The following BAALC variants were observed in gnomAD, a reference collection of about 807,000 sequenced individuals.
BAALC encodes BAALC binder of MAP3K1 and KLF4.
Under a neutral mutation model 15.5 loss-of-function variants are expected in BAALC, and 9 were observed. That is an observed-to-expected ratio of 0.58 (90% CI 0.35 to 1.02). BAALC has a LOEUF of 1.02. Ranked by LOEUF, BAALC falls within the 50% of genes least tolerant of loss-of-function variation. BAALC has a pLI of 0.02. For missense variants in BAALC, 201 were observed against 192.4 expected, an observed-to-expected ratio of 1.04 and a Z score of -0.27; for synonymous variants, 80 against 74.6, an observed-to-expected ratio of 1.07 and a Z score of -0.37.
At chr8:103,163,274 A>C (rs1476776795) in intron 1 of BAALC, among the ~76,000 whole-genome samples, 1 of 151,718 alleles carries the variant, frequency 6.6e-6, no homozygotes, top group African/African-American at 2.4e-5. Context: ...GCCCTTGCCC[A>C]GTTCTCTTCT....
chr8:103,203,675 T>C (rs1474789671), intron 1 of BAALC, among the ~76,000 whole-genome samples: 1 of 152,180 alleles, frequency 6.6e-6, no homozygotes, highest in African/African-American at 2.4e-5. Context: ...AATGGAATTA[T>C]ATAATATGTG....
At chr8:103,195,717 G>A (rs1256302837) in intron 1 of BAALC, among the ~76,000 whole-genome samples, 1 of 152,168 alleles carries the variant, frequency 6.6e-6, no homozygotes, top group East Asian at 1.9e-4. Context: ...TCAGATGTTT[G>A]GTACATCAAG....
chr8:103,210,063 G>C (rs1037831169), intron 1 of BAALC, among the ~76,000 whole-genome samples: 1 of 152,178 alleles, frequency 6.6e-6, no homozygotes, highest in African/African-American at 2.4e-5. Context: ...CTAGCCCCAG[G>C]CTGTTTGCAG....
At chr8:103,173,056 A>T (rs1243213646) in intron 1 of BAALC, among the ~76,000 whole-genome samples, 2 of 152,194 alleles carry the variant, frequency 1.3e-5, no homozygotes, top group Non-Finnish European at 2.9e-5. Context: ...ACATTTGCTT[A>T]TTTTCCATTT....
chr8:103,199,566 A>G (rs753820342), intron 1 of BAALC, among the ~76,000 whole-genome samples: 45 of 152,254 alleles, frequency 3.0e-4, no homozygotes, highest in Non-Finnish European at 6.3e-4. Flanking sequence ...AATTTTAAGA[A>G]TTAAAACAAT....
intron 2 of BAALC, among the ~76,000 whole-genome samples, chr8:103,224,105 C>A (rs570095227): frequency 8.4e-6 from 1 of 118,902 alleles, no homozygotes; most frequent in Non-Finnish European, 1.8e-5. Context: ...GCATGTGCTT[C>A]TGCGTGCGTC....
intron 2 of BAALC, among the ~76,000 whole-genome samples, chr8:103,222,974 G>A (rs1373911405): frequency 6.6e-6 from 1 of 152,078 alleles, no homozygotes; most frequent in Non-Finnish European, 1.5e-5. Context: ...GGTTTGCTGG[G>A]GCCTGAGTAG....
At chr8:103,212,792 G>A in intron 1 of BAALC, 127 bp from the exon 2 acceptor site, 2 of 929,544 alleles carry the variant, frequency 2.2e-6, no homozygotes, top group Non-Finnish European at 3.2e-6. Context: ...GGGTAGCTCT[G>A]CATGGTGGGA....
chr8:103,203,191 C>T (rs148026267), intron 1 of BAALC, among the ~76,000 whole-genome samples: 20 of 152,288 alleles, frequency 1.3e-4, no homozygotes, highest in East Asian at 7.7e-4. Context: ...CTATGGCCAA[C>T]GGCAGATGTT....
intron 2 of BAALC, among the ~76,000 whole-genome samples, chr8:103,216,673 A>C (rs1039695592): frequency 6.6e-6 from 1 of 152,124 alleles, no homozygotes; most frequent in Admixed American, 6.5e-5. Context: ...AGGAGATCTC[A>C]CTATGTTGCC....
intron 1 of BAALC, 189 bp downstream of exon 1, chr8:103,141,246 C>A: frequency 1.6e-6 from 1 of 612,816 alleles, no homozygotes; most frequent in Non-Finnish European, 2.5e-6. Flanking sequence ...TCGACCAGAG[C>A]CCCTTACCGA....
chr8:103,225,841 T>C (rs1029083849), intron 2 of BAALC, among the ~76,000 whole-genome samples: 2 of 152,150 alleles, frequency 1.3e-5, no homozygotes, highest in Non-Finnish European at 2.9e-5. Flanking sequence ...AGGGATGCTC[T>C]GGCAGAGTAA....
At chr8:103,217,660 T>C (rs557999567) in intron 2 of BAALC, among the ~76,000 whole-genome samples, 3 of 152,300 alleles carry the variant, frequency 2.0e-5, no homozygotes. Context: ...TTTAAAGCTT[T>C]CCTTCTCTAG....
intron 1 of BAALC, among the ~76,000 whole-genome samples, chr8:103,206,207 A>T (rs1487303911): frequency 6.6e-6 from 1 of 152,116 alleles, no homozygotes; most frequent in Non-Finnish European, 1.5e-5. Flanking sequence ...ATTTTAATAA[A>T]TCCTTTTTTA....
intron 1 of BAALC, among the ~76,000 whole-genome samples, chr8:103,199,111 A>G (rs568466351): frequency 1.3e-5 from 2 of 152,336 alleles, no homozygotes; most frequent in South Asian, 4.1e-4. Context: ...TGTAAAGAAC[A>G]TCTTCAACAA....
At chr8:103,165,481 T>C (rs1314210690) in intron 1 of BAALC, 2 of 152,174 alleles carry the variant, frequency 1.3e-5, no homozygotes, top group Non-Finnish European at 2.9e-5. Context: ...AGAAATTATG[T>C]TCCATTCATT....
intron 2 of BAALC, among the ~76,000 whole-genome samples, chr8:103,222,907 A>G (rs1812711176): frequency 6.6e-6 from 1 of 152,220 alleles, no homozygotes. Context: ...GACTGACATC[A>G]TCTTTTTACA....
At chr8:103,169,273 A>C (rs992712475) in intron 1 of BAALC, among the ~76,000 whole-genome samples, 20 of 151,970 alleles carry the variant, frequency 1.3e-4, no homozygotes, top group East Asian at 5.8e-4. Flanking sequence ...GGTTCTCTGA[A>C]TGTTCCTTTT....
rs1431877172 is a variant in BAALC, at chr8:103,213,164, C to T, written c.327+79C>T. ...GCTTCAGGGCAGAGCCACCCAGCCG[C>T]TATGTCCAGGGAGGGACCAGGGATG... On this transcript the variant is annotated intron_variant, in intron 2 of 2. Coordinates refer to ENST00000309982, the MANE Select transcript of BAALC (RefSeq NM_024812.3). The T allele has an allele frequency of 1.4e-5, 21 of 1,491,946 alleles. No homozygotes were observed. The East Asian group carries it at 4.6e-4, about 32-fold the overall frequency. 92.4% of individuals were successfully genotyped at this position (1,491,946 alleles called of 1,614,324 possible).
Sources: gnomAD v4.1 joint callset for allele counts (sites outside exome capture counted in the v4.1 genomes callset) on GRCh38, gnomAD v4.1.1 for gene constraint, MANE v1.5 for transcripts, NCBI Gene and HGNC (gene_info 2026-07-23, HGNC 2026-07-21) for gene names.